GMDS: variants seen among roughly 807,000 people sequenced by gnomAD.
GMDS encodes the protein GDP-mannose 4,6 dehydratase.
GMDS carries 20 observed loss-of-function variants against 49.9 expected under a neutral mutation model. The ratio of observed to expected loss-of-function variants is 0.40; its 90% CI spans 0.28 to 0.58. GMDS has a LOEUF of 0.58. Ranked by LOEUF, GMDS falls within the 20% of genes least tolerant of loss-of-function variation. The probability of loss-of-function intolerance (pLI) is 0.42; values close to 1 mark genes in which losing one functional copy is unlikely to be tolerated. For missense variants in GMDS, 362 were observed against 481.4 expected, an observed-to-expected ratio of 0.75 and a Z score of 2.32; for synonymous variants, 177 against 178.6, an observed-to-expected ratio of 0.99 and a Z score of 0.07.
At chr6:1,737,652 TACACACACC>T (rs1189129557) in intron 8 of GMDS, among the ~76,000 whole-genome samples, 2 of 117,484 alleles carry the variant, frequency 1.7e-5, no homozygotes, top group Non-Finnish European at 3.5e-5. Context: ...TACATACACA[TACACACACC>T]ACACACACAG....
chr6:1,663,549 C>T (rs536545160), intron 9 of GMDS, among the ~76,000 whole-genome samples: 6 of 152,282 alleles, frequency 3.9e-5, no homozygotes, highest in Non-Finnish European at 5.9e-5. Context: ...AAGTACACGG[C>T]GGCCCTCCTC....
intron 4 of GMDS, among the ~76,000 whole-genome samples, chr6:2,073,573 C>T (rs1772141888): frequency 6.6e-6 from 1 of 152,080 alleles, no homozygotes; most frequent in Non-Finnish European, 1.5e-5. Context: ...GTCACCCTAC[C>T]CTGCTACCAA....
intron 9 of GMDS, among the ~76,000 whole-genome samples, chr6:1,716,120 C>T (rs12200877): frequency 0.19 from 29,660 of 152,130 alleles, 3,069 homozygotes; most frequent in East Asian, 0.32. Flanking sequence ...AATAGGGAAA[C>T]ATTTCATTAT....
chr6:1,932,433 A>G (rs1327485735), intron 6 of GMDS, among the ~76,000 whole-genome samples: 1 of 152,052 alleles, frequency 6.6e-6, no homozygotes, highest in Non-Finnish European at 1.5e-5. Context: ...CCAAGTTCTT[A>G]TATTACCAGA....
rs1768957246 is a variant in GMDS at position 1,778,893 on chromosome 6, A to T, written c.772-36307T>A. Among the ~76,000 whole-genome samples the T allele has an allele frequency of 6.6e-6, 1 of 151,602 alleles. No homozygotes were observed. The highest frequency in any genetic ancestry group is 2.4e-5 in the African/African-American group (1 of 41,248). ...AAATACGCCTGAAAATGTTTTTCCA[A>T]CCCCAACACCCCTGCTGCCCTCCTG... On this transcript the variant is annotated intron_variant, in intron 7 of 10. Transcript: ENST00000380815. This position sits in a 1 kb window ranked among gnomAD's most constrained non-coding sequence, Gnocchi z 4.6.
At chr6:1,665,235 C>A (rs897600349) in intron 9 of GMDS, among the ~76,000 whole-genome samples, 5 of 152,332 alleles carry the variant, frequency 3.3e-5, no homozygotes, top group African/African-American at 1.2e-4. Context: ...TCTCCTAATG[C>A]TATCTCTCCC....
chr6:1,846,576 T>C (rs532144692), intron 7 of GMDS, among the ~76,000 whole-genome samples: 23 of 152,294 alleles, frequency 1.5e-4, no homozygotes, highest in East Asian at 3.9e-4. Context: ...GGAAACGATA[T>C]GGAAGCCATG....
intron 9 of GMDS, among the ~76,000 whole-genome samples, chr6:1,701,348 T>C (rs768950631): frequency 6.6e-6 from 1 of 152,216 alleles, no homozygotes; most frequent in African/African-American, 2.4e-5. Context: ...TTCCTTCCCA[T>C]AGAGAATAAA....
intron 1 of GMDS, among the ~76,000 whole-genome samples, chr6:2,125,406 G>A (rs1026948684): frequency 6.6e-6 from 1 of 152,128 alleles, no homozygotes. Context: ...TGTATTACAG[G>A]TGTGAGCCAC....
intron 1 of GMDS, among the ~76,000 whole-genome samples, chr6:2,223,152 T>TCC: frequency 6.8e-6 from 1 of 147,026 alleles, no homozygotes; most frequent in South Asian, 2.2e-4. Flanking sequence ...TCTCTCTCTA[T>TCC]ATATATATAC....
At position 2,229,408 on chromosome 6, in the gene GMDS, C is replaced by CAAAA. The variant is rs1210456971; in HGVS notation, c.102+15909_102+15912dup. 1.0e-2 allele frequency among the ~76,000 whole-genome samples: 889 copies of CAAAA among 89,034 alleles called. 3 individuals are homozygous for CAAAA. Among genetic ancestry groups the CAAAA allele is most frequent in the Middle Eastern group, 0.048 (8 of 168 alleles). 58.4% of individuals were successfully genotyped at this position (89,034 alleles called of 152,430 possible). A position where few individuals can be genotyped will look rare whatever the true frequency, so the allele number is the denominator to read the frequency against. Reference sequence around the variant, plus strand: ...GCAACATAGAGAGACCCTGTTTCTACAAAAAAAAAAAAAAAAAAAATACAA... The same window carrying CAAAA: ...GCAACATAGAGAGACCCTGTTTCTACAAAAAAAAAAAAAAAAAAAAAAAATACAA... On this transcript the variant is annotated intron_variant, in intron 1 of 10. Coordinates refer to ENST00000380815, the MANE Select transcript of GMDS (RefSeq NM_001500.4).
intron 9 of GMDS, among the ~76,000 whole-genome samples, chr6:1,645,923 G>C (rs1763469073): frequency 6.6e-6 from 1 of 152,170 alleles, no homozygotes; most frequent in African/African-American, 2.4e-5. Context: ...CCTGTCGTCT[G>C]CCTCCCTAGA....
intron 4 of GMDS, among the ~76,000 whole-genome samples, chr6:1,982,347 C>G (rs557309345): frequency 1.3e-5 from 2 of 152,292 alleles, no homozygotes; most frequent in South Asian, 4.1e-4. Flanking sequence ...CCTCTCTCAC[C>G]ACTCCTATTC....
At chr6:2,062,658 A>C (rs1771259106) in intron 4 of GMDS, among the ~76,000 whole-genome samples, 1 of 152,224 alleles carries the variant, frequency 6.6e-6, no homozygotes, top group South Asian at 2.1e-4. Context: ...CAAGATACAA[A>C]AATAGCCATT....
At chr6:1,765,736 A>T (rs1768325546) in intron 7 of GMDS, among the ~76,000 whole-genome samples, 1 of 152,152 alleles carries the variant, frequency 6.6e-6, no homozygotes, top group Non-Finnish European at 1.5e-5. Context: ...AGTTTTGATA[A>T]GCAGTTCCAT....
At chr6:1,908,801 A>G (rs1760903256) in intron 7 of GMDS, among the ~76,000 whole-genome samples, 1 of 152,214 alleles carries the variant, frequency 6.6e-6, no homozygotes, top group Admixed American at 6.5e-5. Context: ...CAGTTTCTTC[A>G]TATGTTTATG....
At chr6:2,217,611 T>TTA (rs1364841731) in intron 1 of GMDS, among the ~76,000 whole-genome samples, 1 of 152,194 alleles carries the variant, frequency 6.6e-6, no homozygotes, top group Non-Finnish European at 1.5e-5. Flanking sequence ...TGCAAATAGC[T>TTA]TATAAAGTGA....
chr6:1,984,874 G>C (rs1484893829), intron 4 of GMDS, among the ~76,000 whole-genome samples: 2 of 152,160 alleles, frequency 1.3e-5, no homozygotes, highest in Non-Finnish European at 2.9e-5. Context: ...GACTGGGTAG[G>C]AATGGCCCAA....
intron 1 of GMDS, among the ~76,000 whole-genome samples, chr6:2,198,161 G>A (rs572679162): frequency 2.2e-4 from 33 of 152,336 alleles, no homozygotes; most frequent in Non-Finnish European, 4.1e-4. Flanking sequence ...ACCAGCCAAT[G>A]AGAAAAGTAA....
Sources: gnomAD v4.1 joint callset for allele counts (sites outside exome capture counted in the v4.1 genomes callset) on GRCh38, gnomAD v4.1.1 for gene constraint, Gnocchi (gnomAD v3.1) non-coding constraint, MANE v1.5 for transcripts, NCBI Gene and HGNC (gene_info 2026-07-23, HGNC 2026-07-21) for gene names.